TLE1: variants seen among roughly 807,000 people sequenced by gnomAD.
TLE1 encodes transducin-like enhancer protein 1.
A neutral mutation model predicts 89.8 loss-of-function variants in TLE1; 21 were observed. The ratio of observed to expected loss-of-function variants is 0.23; its 90% CI spans 0.17 to 0.34. The LOEUF (loss-of-function observed/expected upper bound fraction) is 0.34, where lower values mean the gene tolerates loss of function less well. Among genes scored for constraint, TLE1 ranks in the 10% least tolerant of loss-of-function variants. TLE1 has a pLI of 1.00. For missense variants in TLE1, 795 were observed against 1,031.2 expected (o/e 0.77, Z 3.14); for synonymous variants, 447 against 407.6 (o/e 1.10, Z -1.16).
In TLE1 at chr9:81,620,575, T is replaced by C. The variant is rs759800377; in HGVS notation, c.595-18A>G. The C allele has an allele frequency of 2.5e-6, 4 of 1,599,044 alleles. No homozygotes were observed. The highest frequency in any genetic ancestry group is 3.4e-6 in the Non-Finnish European group (4 of 1,175,538). ...GAATTACTCTGCAAGACAAAAAAAT[T>C]AATCAAAGATTTCTTCCCAAGCCTC... On this transcript the variant is annotated intron_variant, in intron 8 of 19. Transcript: ENST00000376499.
intron 4 of TLE1, among the ~76,000 whole-genome samples, chr9:81,680,017 A>T (rs114494164): frequency 0.055 from 8,416 of 152,298 alleles, 345 homozygotes; most frequent in Non-Finnish European, 0.081. Context: ...CTGTTTCTTA[A>T]TAAACACTAT....
At chr9:81,586,210 G>T (rs1014827576) in intron 17 of TLE1, among the ~76,000 whole-genome samples, 1 of 152,042 alleles carries the variant, frequency 6.6e-6, no homozygotes, top group Non-Finnish European at 1.5e-5. Context: ...GTAAAGACGG[G>T]GTTTCACCGT....
intron 4 of TLE1, among the ~76,000 whole-genome samples, chr9:81,673,439 G>T (rs907455755): frequency 2.6e-5 from 4 of 151,924 alleles, no homozygotes; most frequent in African/African-American, 9.7e-5. Flanking sequence ...AAAACAAAAC[G>T]GAAGTATCAG....
chr9:81,687,922 C>T (rs1834555274), intron 1 of TLE1, among the ~76,000 whole-genome samples: 1 of 152,082 alleles, frequency 6.6e-6, no homozygotes, highest in South Asian at 2.1e-4. Flanking sequence ...GCGCCCTGCC[C>T]CCACTCGGGG....
chr9:81,631,710 G>C (rs536869638), intron 8 of TLE1, among the ~76,000 whole-genome samples: 4 of 152,184 alleles, frequency 2.6e-5, no homozygotes, highest in African/African-American at 9.7e-5. Flanking sequence ...GATTTAAAAC[G>C]CATAACAGCC....
rs34947337 is a variant in TLE1 at position 81,615,081 on chromosome 9, C to CAAAAAAAAAA, written c.918+891_918+900dup. ...TGGGTGACAGAGTGAGACTCCATCT[C>CAAAAAAAAAA]AAAAAAAAAAAAAAAAAAAAAAAAA... On this transcript the variant is annotated intron_variant, in intron 11 of 19. Coordinates refer to ENST00000376499, the MANE Select transcript of TLE1 (RefSeq NM_005077.5). Among the ~76,000 whole-genome samples, 15 of 25,104 alleles carry CAAAAAAAAAA rather than the reference C, an allele frequency of 6.0e-4. 1 individual carries two copies. The highest frequency in any genetic ancestry group is 1.4e-3 in the Admixed American group (2 of 1,386). The allele number at this position is 25,104 out of a possible 152,430, so 16.5% of individuals were successfully genotyped here.
intron 1 of TLE1, among the ~76,000 whole-genome samples, chr9:81,687,853 G>C (rs528657038): frequency 2.6e-5 from 4 of 151,992 alleles, no homozygotes; most frequent in Non-Finnish European, 5.9e-5. Context: ...ACCTCCAGAC[G>C]CACCGGAACC....
intron 4 of TLE1, among the ~76,000 whole-genome samples, chr9:81,672,118 C>A (rs1461667366): frequency 6.6e-6 from 1 of 152,164 alleles, no homozygotes; most frequent in South Asian, 2.1e-4. Context: ...CTTCTCAGCA[C>A]ACCCAGATCA....
At chr9:81,600,098 TG>T in intron 14 of TLE1, 2 of 746,028 alleles carry the variant, frequency 2.7e-6, no homozygotes, top group Admixed American at 1.9e-5. Context: ...CTCAATGTGC[TG>T]GGGCAGGAAC....
intron 4 of TLE1, among the ~76,000 whole-genome samples, chr9:81,665,862 AT>A (rs10696235): frequency 5.4e-5 from 8 of 147,222 alleles, no homozygotes; most frequent in Non-Finnish European, 4.5e-5. Context: ...GGCTGCCCTC[AT>A]TTTTTTTTTT....
In TLE1 at chr9:81,675,069, G is replaced by A. The variant is rs944944428; in HGVS notation, c.234+10607C>T. On this transcript the variant is annotated intron_variant, in intron 4 of 19. Transcript: ENST00000376499. ...CATGTTATCAGTCTAAGCCAAGGTC[G>A]GTAGCTAAAGAAAGGCCTGATCCTC... Among the ~76,000 whole-genome samples the A allele has an allele frequency of 1.3e-4, 20 of 152,156 alleles. No individual in the cohort carries two copies. In the East Asian group the frequency reaches 1.4e-3, roughly 10 times the overall value.
intron 4 of TLE1, among the ~76,000 whole-genome samples, chr9:81,663,283 C>T (rs994158671): frequency 9.9e-5 from 15 of 152,182 alleles, no homozygotes; most frequent in African/African-American, 2.9e-4. Context: ...AGCCCTCTTA[C>T]GATCCTCAAA....
At chr9:81,685,396 G>C (rs756506155) in intron 4 of TLE1, among the ~76,000 whole-genome samples, 1 of 152,130 alleles carries the variant, frequency 6.6e-6, no homozygotes, top group Non-Finnish European at 1.5e-5. Context: ...ATCTATACAG[G>C]TGAAAAAGTA....
At chr9:81,596,237 A>G (rs1034061980) in intron 14 of TLE1, among the ~76,000 whole-genome samples, 3 of 152,164 alleles carry the variant, frequency 2.0e-5, no homozygotes, top group Non-Finnish European at 4.4e-5. Flanking sequence ...AGGCAATTTA[A>G]AATTGATTCA....
chr9:81,607,060 T>TAAAA (rs34328471), intron 14 of TLE1, among the ~76,000 whole-genome samples: 19 of 139,674 alleles, frequency 1.4e-4, no homozygotes, highest in African/African-American at 4.4e-4. Flanking sequence ...CCAGTGTCTC[T>TAAAA]AAAAAAAAAA....
intron 4 of TLE1, among the ~76,000 whole-genome samples, chr9:81,672,859 T>C (rs1480861011): frequency 6.6e-6 from 1 of 152,178 alleles, no homozygotes; most frequent in Admixed American, 6.5e-5. Context: ...TCCATCCCTT[T>C]AAATGAAAAA....
intron 4 of TLE1, among the ~76,000 whole-genome samples, chr9:81,684,669 C>T (rs1015667535): frequency 6.6e-6 from 1 of 152,230 alleles, no homozygotes; most frequent in African/African-American, 2.4e-5. Flanking sequence ...TGAAATAGCA[C>T]ATATACATCA....
At chr9:81,588,715 T>A (rs893359386) in intron 16 of TLE1, among the ~76,000 whole-genome samples, 1 of 152,120 alleles carries the variant, frequency 6.6e-6, no homozygotes, top group African/African-American at 2.4e-5. Context: ...GACTCAGTTC[T>A]GCATGCTGAG....
At chr9:81,660,137 C>G (rs936023486) in intron 4 of TLE1, among the ~76,000 whole-genome samples, 1 of 152,084 alleles carries the variant, frequency 6.6e-6, no homozygotes, top group Non-Finnish European at 1.5e-5. Context: ...GGAAGCATTA[C>G]GAGAACACGA....
Sources: gnomAD v4.1 joint callset for allele counts (sites outside exome capture counted in the v4.1 genomes callset) on GRCh38, gnomAD v4.1.1 for gene constraint, MANE v1.5 for transcripts, NCBI Gene and HGNC (gene_info 2026-07-23, HGNC 2026-07-21) for gene names.